The following CPED1 variants were observed in gnomAD, a reference collection of about 807,000 sequenced individuals.
CPED1 encodes the protein cadherin like and PC-esterase domain containing 1.
In CPED1, 114 loss-of-function variants were observed where a neutral mutation model predicts 128.2. The observed-to-expected ratio is 0.89, with a 90% CI of 0.76 to 1.04. The LOEUF (loss-of-function observed/expected upper bound fraction) is 1.04, where lower values mean the gene tolerates loss of function less well. Among genes scored for constraint, CPED1 ranks in the 50% least tolerant of loss-of-function variants. The pLI is 0.00. For missense variants in CPED1, 1,211 were observed against 1,207.1 expected (o/e 1.00, Z -0.05); for synonymous variants, 462 against 426.7 (o/e 1.08, Z -1.02).
intron 16 of CPED1, among the ~76,000 whole-genome samples, chr7:121,225,835 T>C (rs537201261): frequency 1.4e-4 from 21 of 152,272 alleles, no homozygotes; most frequent in Admixed American, 1.1e-3. Context: ...CATCAGGTCA[T>C]TTAAGGTCTT....
At chr7:120,995,970 CT>C (rs1796396316) in intron 2 of CPED1, among the ~76,000 whole-genome samples, 3 of 121,330 alleles carry the variant, frequency 2.5e-5, no homozygotes, top group African/African-American at 1.1e-4. Context: ...CCTCCTCCTC[CT>C]TCTTCTTCTT....
intron 16 of CPED1, among the ~76,000 whole-genome samples, chr7:121,194,324 T>G (rs1271343738): frequency 6.6e-6 from 1 of 152,016 alleles, no homozygotes; most frequent in East Asian, 1.9e-4. Context: ...GTGCTGGGAT[T>G]ACTAGCACAA....
intron 5 of CPED1, among the ~76,000 whole-genome samples, chr7:121,065,264 TCTAAA>T (rs1563012019): frequency 6.6e-6 from 1 of 152,150 alleles, no homozygotes; most frequent in African/African-American, 2.4e-5. Context: ...AAGATACATA[TCTAAA>T]CTAAACAGCT....
intron 3 of CPED1, among the ~76,000 whole-genome samples, chr7:121,022,026 T>A (rs1357769785): frequency 6.6e-6 from 1 of 152,014 alleles, no homozygotes; most frequent in Non-Finnish European, 1.5e-5. Flanking sequence ...CATACTCTCC[T>A]GGATTATTCC....
intron 7 of CPED1, among the ~76,000 whole-genome samples, chr7:121,112,783 T>C (rs1584519819): frequency 6.6e-6 from 1 of 152,318 alleles, no homozygotes; most frequent in East Asian, 1.9e-4. Context: ...AAAGTCACAC[T>C]GCGAAGGGGT....
intron 16 of CPED1, among the ~76,000 whole-genome samples, chr7:121,207,519 A>G (rs2116582789): frequency 6.6e-6 from 1 of 152,130 alleles, no homozygotes; most frequent in South Asian, 2.1e-4. Flanking sequence ...CTTCTTTCCA[A>G]TGGCACTAAT....
intron 16 of CPED1, among the ~76,000 whole-genome samples, chr7:121,156,918 CTA>C (rs549102015): frequency 1.4e-3 from 217 of 152,240 alleles, no homozygotes; most frequent in Non-Finnish European, 2.5e-3. Flanking sequence ...ACTAATGATG[CTA>C]GAAGTGCTCC....
At chr7:121,249,356 C>T (rs1584630595) in intron 18 of CPED1, among the ~76,000 whole-genome samples, 1 of 151,980 alleles carries the variant, frequency 6.6e-6, no homozygotes, top group East Asian at 1.9e-4. Flanking sequence ...AAATGACCAT[C>T]CCCAAAGAAC....
At chr7:121,211,796 C>T (rs1050191752) in intron 16 of CPED1, among the ~76,000 whole-genome samples, 1 of 151,934 alleles carries the variant, frequency 6.6e-6, no homozygotes. Context: ...CCAGACTTGG[C>T]CTTGAATAAA....
chr7:121,237,447 A>C (rs1483651048), intron 17 of CPED1, among the ~76,000 whole-genome samples: 1 of 152,158 alleles, frequency 6.6e-6, no homozygotes, highest in Admixed American at 6.5e-5. Context: ...AGAGGCAAGA[A>C]AATTGTGACA....
At chr7:121,181,515 C>T (rs1014829880) in intron 16 of CPED1, among the ~76,000 whole-genome samples, 6 of 151,910 alleles carry the variant, frequency 3.9e-5, no homozygotes, top group African/African-American at 9.7e-5. Context: ...TACATAAATA[C>T]GTTATTGATT....
At chr7:121,027,379 C>A (rs1301627211) in intron 3 of CPED1, among the ~76,000 whole-genome samples, 1 of 151,890 alleles carries the variant, frequency 6.6e-6, no homozygotes, top group African/African-American at 2.4e-5. Flanking sequence ...ATATGGTATT[C>A]TGCATAAAAC....
chr7:121,246,539 C>T (rs1798538717), intron 18 of CPED1, among the ~76,000 whole-genome samples: 3 of 152,134 alleles, frequency 2.0e-5, no homozygotes, highest in South Asian at 2.1e-4. Context: ...GAGTTTTAGT[C>T]CCTGACTCTT....
At chr7:121,078,545 C>T (rs1340896464) in intron 5 of CPED1, among the ~76,000 whole-genome samples, 3 of 140,706 alleles carry the variant, frequency 2.1e-5, no homozygotes, top group Admixed American at 2.1e-4. Flanking sequence ...TATTGACATA[C>T]TAGTTGAAAC....
intron 2 of CPED1, among the ~76,000 whole-genome samples, chr7:120,998,107 C>T (rs374650744): frequency 3.9e-5 from 6 of 152,166 alleles, no homozygotes; most frequent in African/African-American, 9.6e-5. Flanking sequence ...GGCAAACCCC[C>T]GGAAACTCGA....
rs193014651 is a variant in CPED1, at chr7:121,121,715, G to T, written c.919-2616G>T. Reference sequence around the variant, plus strand: ...TTAAATTAGGAGGAAAGGTGAAAGTGCTCCTTCAGGTATTTGTGAGTTAAG... The same window carrying T: ...TTAAATTAGGAGGAAAGGTGAAAGTTCTCCTTCAGGTATTTGTGAGTTAAG... On this transcript the variant is annotated intron_variant, in intron 7 of 22. Transcript: ENST00000310396. Among the ~76,000 whole-genome samples the T allele has an allele frequency of 6.8e-4, 103 of 152,274 alleles. 2 individuals are homozygous for T. The highest frequency in any genetic ancestry group is 2.4e-3 in the African/African-American group (99 of 41,552).
intron 2 of CPED1, among the ~76,000 whole-genome samples, chr7:120,996,695 T>C (rs1374827969): frequency 6.6e-6 from 1 of 152,176 alleles, no homozygotes; most frequent in Non-Finnish European, 1.5e-5. Context: ...AAAGTGGAAT[T>C]TTCTCTAGTC....
intron 2 of CPED1, among the ~76,000 whole-genome samples, chr7:121,002,500 A>G (rs185769410): frequency 1.3e-5 from 2 of 152,310 alleles, no homozygotes; most frequent in African/African-American, 2.4e-5. Flanking sequence ...CAGTGAAAAC[A>G]TTAATAACAC....
intron 7 of CPED1, 87 bp from the exon 8 acceptor site, chr7:121,124,244 G>T: frequency 5.4e-6 from 7 of 1,303,178 alleles, no homozygotes; most frequent in Non-Finnish European, 7.3e-6. Flanking sequence ...AGATAACCTA[G>T]AACAATCCTT....
Sources: allele counts gnomAD v4.1 joint callset (sites outside exome capture counted in the v4.1 genomes callset), GRCh38; gene constraint gnomAD v4.1.1; transcripts MANE v1.5; gene names NCBI Gene and HGNC (gene_info 2026-07-23, HGNC 2026-07-21).